The following GIT1 variants were observed in gnomAD, a reference collection of about 807,000 sequenced individuals.
GIT1 encodes ARF GTPase-activating protein GIT1.
GIT1 carries 14 observed loss-of-function variants against 91.7 expected under a neutral mutation model. That is an observed-to-expected ratio of 0.15 (90% confidence interval 0.10 to 0.24). The LOEUF is 0.24. GIT1 is among the 10% of genes least tolerant of loss of function. GIT1 has a pLI of 1.00. For missense variants in GIT1, 717 were observed against 1,024.9 expected (o/e 0.70, Z 4.10); for synonymous variants, 414 against 418.2 (o/e 0.99, Z 0.12).
At chr17:29,586,139 G>C (rs932146144) in intron 1 of GIT1, among the ~76,000 whole-genome samples, 2 of 152,302 alleles carry the variant, frequency 1.3e-5, no homozygotes, top group African/African-American at 4.8e-5. Context: ...GGTTACCTCT[G>C]GGGTGCACGG....
At chr17:29,584,299 G>A (rs977580972) in intron 1 of GIT1, among the ~76,000 whole-genome samples, 2 of 152,238 alleles carry the variant, frequency 1.3e-5, no homozygotes, top group Admixed American at 1.3e-4. Context: ...AGAGGTTAAA[G>A]GGCTTATTCA....
At chr17:29,586,172 C>A (rs1052851420) in intron 1 of GIT1, among the ~76,000 whole-genome samples, 4 of 152,196 alleles carry the variant, frequency 2.6e-5, no homozygotes, top group African/African-American at 4.8e-5. Context: ...TACTTGGAAG[C>A]CCCCTAAGGT....
At chr17:29,582,882 G>A (rs374351323) in intron 3 of GIT1, 43 bp downstream of exon 3, 46 of 1,553,368 alleles carry the variant, frequency 3.0e-5, no homozygotes, top group African/African-American at 4.1e-5. Flanking sequence ...GCCCTGTCCC[G>A]GACTGCGCAG....
In GIT1 at chr17:29,573,746, G is replaced by A. The variant is rs1221785003; in HGVS notation, c.*956C>T. 4.6e-5 allele frequency: 7 copies of A among 152,736 alleles called. No homozygotes were observed. Among genetic ancestry groups the A allele is most frequent in the South Asian group, 2.1e-4 (1 of 4,846 alleles). The allele number at this position is 152,736 out of a possible 1,614,324, so 9.5% of individuals were successfully genotyped here. Reference sequence around the variant, plus strand: ...ACTCAGCTCCACAGCCACCAGCTGAGTCGGGGACCCCGGGGAGCCAGCCCC... The same window carrying A: ...ACTCAGCTCCACAGCCACCAGCTGAATCGGGGACCCCGGGGAGCCAGCCCC... On this transcript the variant is annotated 3_prime_UTR_variant, in exon 20 of 20. Transcript: ENST00000225394.
chr17:29,576,993 TTGTC>T lies in GIT1; in HGVS notation c.1094-1_1096del. ...CTGGCTCCGCAGAGACAGCTCGAGG[TTGTC>T]TGAGGACACAGGAGTGTCACTCAGG... On this transcript the variant is annotated splice_acceptor_variant and coding_sequence_variant, in exon 12 of 20. Coordinates refer to ENST00000225394, the MANE Select transcript of GIT1 (RefSeq NM_014030.4). LOFTEE classifies it high-confidence loss of function. 1 of 1,603,524 alleles carries T rather than the reference TTGTC, an allele frequency of 6.2e-7. No individual in the cohort carries two copies. Among genetic ancestry groups the T allele is most frequent in the Non-Finnish European group, 8.5e-7 (1 of 1,179,806 alleles).
intron 7 of GIT1, among the ~76,000 whole-genome samples, chr17:29,580,592 G>T (rs919755427): frequency 6.6e-6 from 1 of 152,096 alleles, no homozygotes; most frequent in Non-Finnish European, 1.5e-5. Context: ...CAGCCTCAGC[G>T]CACGTGCCTA....
chr17:29,577,815 C>G, intron 9 of GIT1, 73 bp from the exon 10 acceptor site: 1 of 900,576 alleles, frequency 1.1e-6, no homozygotes, highest in Non-Finnish European at 1.9e-6. Context: ...AAGCACTGAG[C>G]CCAGCCTTCC....
At chr17:29,582,181 C>T (rs377009514) in intron 4 of GIT1, 37 bp from the exon 5 acceptor site, 35 of 1,448,128 alleles carry the variant, frequency 2.4e-5, no homozygotes, top group African/African-American at 1.1e-4. Flanking sequence ...TACGCATGTG[C>T]GTGAGGCGCA....
At chr17:29,579,508 G>C (rs1044269923) in intron 7 of GIT1, among the ~76,000 whole-genome samples, 1 of 152,158 alleles carries the variant, frequency 6.6e-6, no homozygotes, top group Non-Finnish European at 1.5e-5. Context: ...CACTTTGGGA[G>C]GCCAAGGTGG....
rs774560724 is a variant in GIT1 at position 29,582,133 on chromosome 17, C to G, written c.417G>C (p.Ser139=). The G allele has an allele frequency of 6.3e-7, 1 of 1,575,782 alleles. No individual in the cohort carries two copies. Among genetic ancestry groups the G allele is most frequent in the Non-Finnish European group, 8.6e-7 (1 of 1,168,334 alleles). Residue 139 remains serine, a synonymous_variant, in exon 5 of 20, where the codon TCG becomes TCC. Transcript: ENST00000225394. ...TAKDLSKQLH[S]SVRTGNLETC... is the part of the protein sequence containing the mutation. ...TCTCCAGGTTGCCTGTCCGCACGCT[C>G]GAGTGTAGTTGCTAAGAGGAGCAGA...
At chr17:29,583,183 T>TA in intron 2 of GIT1, 146 bp from the exon 3 acceptor site, 2 of 657,056 alleles carry the variant, frequency 3.0e-6, no homozygotes, top group Non-Finnish European at 5.5e-6. Context: ...CACCTCCATC[T>TA]AGTCCAGCTG....
chr17:29,574,415 G>A lies in GIT1; in HGVS notation c.*287C>T, dbSNP rs777170597. 1.9e-5 allele frequency: 9 copies of A among 468,190 alleles called. No homozygotes were observed. The highest frequency in any genetic ancestry group is 2.7e-5 in the Non-Finnish European group (7 of 255,548). The allele number at this position is 468,190 out of a possible 1,614,324, so 29.0% of individuals were successfully genotyped here. ...GCTGAGGGTGCCCTAGAAGGCGAGG[G>A]GCTGGGAGTGATGCCTTGCAGGCCC... is the stretch of plus-strand genomic sequence containing the variant. On this transcript the variant is annotated 3_prime_UTR_variant, in exon 20 of 20. Coordinates refer to ENST00000225394, the MANE Select transcript of GIT1 (RefSeq NM_014030.4).
chr17:29,582,882 G>C (rs374351323), intron 3 of GIT1, 43 bp downstream of exon 3: 1 of 1,553,486 alleles, frequency 6.4e-7, no homozygotes, highest in African/African-American at 1.4e-5. Context: ...GCCCTGTCCC[G>C]GACTGCGCAG....
intron 9 of GIT1, 95 bp downstream of exon 9, chr17:29,578,204 C>G: frequency 9.6e-7 from 1 of 1,043,268 alleles, no homozygotes; most frequent in Non-Finnish European, 1.5e-6. Context: ...GCAGCCCCAA[C>G]CCCAGGCACC....
chr17:29,577,888 A>G, intron 9 of GIT1, 146 bp from the exon 10 acceptor site: 1 of 637,420 alleles, frequency 1.6e-6, no homozygotes, highest in Non-Finnish European at 2.8e-6. Context: ...GGGCACGCAG[A>G]GCTAGGCCGG....
rs975976191 is a variant in GIT1, at chr17:29,589,152, G to C, written c.52+175C>G. ...CCAGGGAGCATGGGCACCCCAGGCC[G>C]GCCCTCCCGCCAAGGGCGCAGCTCC... On this transcript the variant is annotated intron_variant, in intron 1 of 19. Coordinates refer to ENST00000225394, the MANE Select transcript of GIT1 (RefSeq NM_014030.4). This position sits in a 1 kb window ranked among gnomAD's most constrained non-coding sequence, Gnocchi z 5.2. 7.2e-5 allele frequency among the ~76,000 whole-genome samples: 11 copies of C among 151,908 alleles called. No individual in the cohort carries two copies. Among genetic ancestry groups the C allele is most frequent in the African/African-American group, 1.9e-4 (8 of 41,426 alleles).
chr17:29,579,709 C>T (rs1438622880), intron 7 of GIT1, among the ~76,000 whole-genome samples: 6 of 151,182 alleles, frequency 4.0e-5, no homozygotes, highest in Non-Finnish European at 8.8e-5. Flanking sequence ...GGCAACAGAG[C>T]GAGACCCCAA....
At position 29,576,586 on chromosome 17, in the gene GIT1, T is replaced by C. The variant is rs550609245; in HGVS notation, c.1316A>G (p.Lys439Arg). ...GTTGACCTTCATGAGCTGCTGCACC[T>C]TTGCCTCCGATGTAGCCAGGGCCTT... ...LKKALATSEAKVQQLMKVNSS... is the reference protein window; with the variant it reads ...LKKALATSEARVQQLMKVNSS... Residue 439 changes from lysine to arginine, a missense_variant, in exon 13 of 20, where the codon AAG becomes AGG. Coordinates refer to ENST00000225394, the MANE Select transcript of GIT1 (RefSeq NM_014030.4). 57 of 1,614,054 alleles carry C rather than the reference T, an allele frequency of 3.5e-5. No individual in the cohort carries two copies. Among genetic ancestry groups the C allele is most frequent in the Admixed American group, 1.7e-4 (10 of 60,026 alleles).
intron 1 of GIT1, among the ~76,000 whole-genome samples, chr17:29,587,029 C>A (rs1032768227): frequency 6.6e-6 from 1 of 152,128 alleles, no homozygotes; most frequent in South Asian, 2.1e-4. Context: ...ACCTCCATGA[C>A]CCCCCAAATT....
Sources: gnomAD v4.1 joint callset for allele counts (sites outside exome capture counted in the v4.1 genomes callset) on GRCh38, gnomAD v4.1.1 for gene constraint, Gnocchi (gnomAD v3.1) non-coding constraint, MANE v1.5 for transcripts, NCBI Gene and HGNC (gene_info 2026-07-23, HGNC 2026-07-21) for gene names.